ZNF536: variants seen among roughly 807,000 people sequenced by gnomAD.
ZNF536 encodes zinc finger protein 536.
ZNF536 carries 13 observed loss-of-function variants against 84.5 expected under a neutral mutation model. The ratio of observed to expected loss-of-function variants is 0.15; its 90% CI spans 0.10 to 0.24. ZNF536 has a LOEUF of 0.24. Among genes scored for constraint, ZNF536 ranks in the 10% least tolerant of loss-of-function variants. The pLI, the probability that ZNF536 is intolerant of heterozygous loss-of-function variation, is 1.00. For missense variants in ZNF536, 1,536 were observed against 1,747.5 expected (o/e 0.88, Z 2.16); for synonymous variants, 811 against 742.5 (o/e 1.09, Z -1.50).
intron 2 of ZNF536, among the ~76,000 whole-genome samples, chr19:30,466,970 A>C (rs541691142): frequency 6.6e-6 from 1 of 152,164 alleles, no homozygotes; most frequent in East Asian, 1.9e-4. Flanking sequence ...CCTCCCAAGT[A>C]GCTGGGATTA....
exon 2 of ZNF536, chr19:30,712,041 A>C (rs956470347): frequency 9.6e-6 from 1 of 104,462 alleles, no homozygotes; most frequent in African/African-American, 4.2e-5. Context: ...AGCTCTTATG[A>C]AATAGCTTGT....
At chr19:30,551,990 T>C (rs183749186) in intron 4 of ZNF536, among the ~76,000 whole-genome samples, 5 of 152,210 alleles carry the variant, frequency 3.3e-5, no homozygotes, top group African/African-American at 7.2e-5. Flanking sequence ...ATTCATCCTT[T>C]CTAAAAGTTA....
intron 1 of ZNF536, among the ~76,000 whole-genome samples, chr19:30,402,172 T>C (rs1442454159): frequency 6.6e-6 from 1 of 152,140 alleles, no homozygotes; most frequent in East Asian, 1.9e-4. Context: ...CACTTGCGAG[T>C]GTAAAGAACC....
intron 2 of ZNF536, among the ~76,000 whole-genome samples, chr19:30,483,653 T>C (rs1341943234): frequency 6.6e-6 from 1 of 152,152 alleles, no homozygotes; most frequent in African/African-American, 2.4e-5. Context: ...TGGGTTTCCC[T>C]CTTAAACACA....
chr19:30,541,285 C>T (rs2146046944), intron 3 of ZNF536, among the ~76,000 whole-genome samples: 1 of 152,082 alleles, frequency 6.6e-6, no homozygotes, highest in Non-Finnish European at 1.5e-5. Context: ...AAGCACTTTG[C>T]ATACATTTTC....
chr19:30,423,234 C>T (rs2051059324), intron 1 of ZNF536, among the ~76,000 whole-genome samples: 1 of 151,240 alleles, frequency 6.6e-6, no homozygotes, highest in African/African-American at 2.4e-5. Context: ...CCTTCCTCCA[C>T]CCGCCCATTC....
At chr19:30,649,991 A>T (rs2049638178) in intron 1 of ZNF536, among the ~76,000 whole-genome samples, 1 of 152,192 alleles carries the variant, frequency 6.6e-6, no homozygotes, top group Non-Finnish European at 1.5e-5. Context: ...GTGAACATCA[A>T]CTGACCAGAA....
intron 2 of ZNF536, among the ~76,000 whole-genome samples, chr19:30,531,826 T>C (rs2044837377): frequency 6.6e-6 from 1 of 152,148 alleles, no homozygotes; most frequent in African/African-American, 2.4e-5. Flanking sequence ...GGTTTTGCCA[T>C]GTTGCCCAGG....
At chr19:30,598,052 A>C (rs1599931742) in intron 1 of ZNF536, among the ~76,000 whole-genome samples, 1 of 152,178 alleles carries the variant, frequency 6.6e-6, no homozygotes, top group Admixed American at 6.5e-5. Flanking sequence ...GCACATGTAC[A>C]CAGTACTTAG....
At chr19:30,698,167 C>T (rs1299802593) in intron 1 of ZNF536, among the ~76,000 whole-genome samples, 1 of 152,100 alleles carries the variant, frequency 6.6e-6, no homozygotes, top group African/African-American at 2.4e-5. Context: ...TGGTGCACGC[C>T]TGTAGTCCCA....
chr19:30,509,372 TATG>T (rs1351230583), intron 2 of ZNF536, among the ~76,000 whole-genome samples: 5 of 145,616 alleles, frequency 3.4e-5, no homozygotes, highest in Non-Finnish European at 6.0e-5. Context: ...CACATACATA[TATG>T]ATATATATTA....
chr19:30,594,212 A>T (rs2146833235), intron 1 of ZNF536, among the ~76,000 whole-genome samples: 1 of 152,332 alleles, frequency 6.6e-6, no homozygotes, highest in Non-Finnish European at 1.5e-5. Context: ...AGCTGTCACC[A>T]TGCCCAGGAA....
intron 2 of ZNF536, among the ~76,000 whole-genome samples, chr19:30,518,734 A>G (rs1023304482): frequency 2.0e-5 from 3 of 152,228 alleles, no homozygotes; most frequent in African/African-American, 7.2e-5. Flanking sequence ...AGTGCCTACT[A>G]TGTGCTGGGC....
intron 1 of ZNF536, among the ~76,000 whole-genome samples, chr19:30,391,639 C>A (rs747897052): frequency 6.6e-6 from 1 of 152,032 alleles, no homozygotes; most frequent in African/African-American, 2.4e-5. Context: ...TTATTCCTGG[C>A]GCTTAATTGT....
intron 2 of ZNF536, among the ~76,000 whole-genome samples, chr19:30,340,469 A>T (rs2047531229): frequency 6.6e-6 from 1 of 152,162 alleles, no homozygotes; most frequent in Admixed American, 6.5e-5. Flanking sequence ...TGCATAATCC[A>T]TTTTAATCTC....
intron 1 of ZNF536, among the ~76,000 whole-genome samples, chr19:30,682,945 TC>T (rs949892960): frequency 3.3e-5 from 5 of 152,240 alleles, no homozygotes; most frequent in African/African-American, 1.2e-4. Flanking sequence ...GGACCAATTT[TC>T]TTTTATTTTA....
chr19:30,520,578 G>A (rs2145699107), intron 2 of ZNF536, among the ~76,000 whole-genome samples: 1 of 152,230 alleles, frequency 6.6e-6, no homozygotes, highest in East Asian at 1.9e-4. Flanking sequence ...CAATGTGGGA[G>A]AGAGTGAAGA....
chr19:30,235,544 T>C (rs1465600019), intron 1 of ZNF536, among the ~76,000 whole-genome samples: 1 of 152,228 alleles, frequency 6.6e-6, no homozygotes, highest in African/African-American at 2.4e-5. Context: ...ACAGCCCACA[T>C]AGATATTACA....
In ZNF536 at chr19:30,466,378, C is replaced by CAAA. The variant is rs71173905; in HGVS notation, c.2170+20657_2170+20659dup. Among the ~76,000 whole-genome samples the CAAA allele has an allele frequency of 3.7e-3, 499 of 136,170 alleles. 1 individual carries two copies. The highest frequency in any genetic ancestry group is 0.012 in the African/African-American group (479 of 38,552). The allele number at this position is 136,170 out of a possible 152,430, so 89.3% of individuals were successfully genotyped here. A position where few individuals can be genotyped will look rare whatever the true frequency, so the allele number is the denominator to read the frequency against. On this transcript the variant is annotated intron_variant, in intron 2 of 4. Coordinates refer to ENST00000355537, the MANE Select transcript of ZNF536 (RefSeq NM_014717.3). ...GCAACAAAGCGAAACTCCATTGCTGCAAAAAAAAAAAAACCCAAACCAAAC... is the reference window on the plus strand; with the variant it reads ...GCAACAAAGCGAAACTCCATTGCTGCAAAAAAAAAAAAAAAACCCAAACCAAAC...
Sources: gnomAD v4.1 joint callset for allele counts (sites outside exome capture counted in the v4.1 genomes callset) on GRCh38, gnomAD v4.1.1 for gene constraint, MANE v1.5 for transcripts, NCBI Gene and HGNC (gene_info 2026-07-23, HGNC 2026-07-21) for gene names.